Variants in MAST4 observed in about 807,000 individuals in gnomAD.
MAST4 encodes the protein microtubule-associated serine/threonine-protein kinase 4.
In MAST4, 89 loss-of-function variants were observed where a neutral mutation model predicts 162.7. That is an observed-to-expected ratio of 0.55 (90% confidence interval 0.46 to 0.65). The LOEUF is 0.65. MAST4 is among the 30% of genes least tolerant of loss of function. The probability of loss-of-function intolerance (pLI) is 0.00; values close to 1 mark genes in which losing one functional copy is unlikely to be tolerated. For missense variants in MAST4, 3,153 were observed against 3,374.0 expected (o/e 0.93, Z 1.62); for synonymous variants, 1,479 against 1,361.1 (o/e 1.09, Z -1.91).
intron 1 of MAST4, among the ~76,000 whole-genome samples, chr5:66,745,315 G>A (rs1405377864): frequency 2.0e-5 from 3 of 152,134 alleles, no homozygotes; most frequent in Non-Finnish European, 2.9e-5. Flanking sequence ...GCCTAAAGAA[G>A]GGTAGATGTT....
At chr5:66,710,341 C>G (rs2149522901) in intron 1 of MAST4, among the ~76,000 whole-genome samples, 1 of 152,252 alleles carries the variant, frequency 6.6e-6, no homozygotes, top group African/African-American at 2.4e-5. Context: ...CAAGGTCAGA[C>G]TATTTAGACT....
At position 67,054,428 on chromosome 5, in the gene MAST4, C is replaced by T. The variant is rs376028730; in HGVS notation, c.699C>T (p.Ser233=). The T allele has an allele frequency of 1.9e-6, 3 of 1,609,130 alleles. No homozygotes were observed. Among genetic ancestry groups the T allele is most frequent in the Non-Finnish European group, 1.7e-6 (2 of 1,177,820 alleles). The change falls in exon 5 of 29, where the codon AGC becomes AGT. Residue 233 remains serine, a synonymous_variant. Coordinates refer to ENST00000403625, the MANE Select transcript of MAST4 (RefSeq NM_001164664.2). ...GSFCRTSNRK[S]LIGNGQSPAL... ...GTTGCCGAACAAGCAACCGGAAAAG[C>T]TTAATAGGCAATGGGCAGTCACCAG...
At chr5:66,843,520 A>G (rs1159445551) in intron 3 of MAST4, among the ~76,000 whole-genome samples, 2 of 152,138 alleles carry the variant, frequency 1.3e-5, no homozygotes, top group Non-Finnish European at 2.9e-5. Flanking sequence ...CCTAATGCCT[A>G]TTGGTGCTAG....
intron 4 of MAST4, among the ~76,000 whole-genome samples, chr5:66,947,326 A>C (rs1412929296): frequency 6.6e-6 from 1 of 152,052 alleles, no homozygotes; most frequent in Non-Finnish European, 1.5e-5. Flanking sequence ...GAAATAAAGG[A>C]ATATGGTTTG....
chr5:66,981,031 G>A (rs1198387587), intron 4 of MAST4, among the ~76,000 whole-genome samples: 6 of 152,078 alleles, frequency 3.9e-5, no homozygotes, highest in Admixed American at 2.6e-4. Context: ...AAATAGTGCT[G>A]GACTGAGACT....
chr5:66,949,177 A>C (rs962434280), intron 4 of MAST4, among the ~76,000 whole-genome samples: 1 of 152,194 alleles, frequency 6.6e-6, no homozygotes, highest in African/African-American at 2.4e-5. Flanking sequence ...AGCTTACTAC[A>C]GTAGAAAGAA....
chr5:67,155,786 G>A (rs1386793454), intron 26 of MAST4, among the ~76,000 whole-genome samples: 3 of 152,146 alleles, frequency 2.0e-5, no homozygotes, highest in African/African-American at 4.8e-5. Context: ...TAAGGGCCAG[G>A]CACAGTGGCT....
At chr5:66,930,890 T>C (rs1312402428) in intron 4 of MAST4, 3 of 431,874 alleles carry the variant, frequency 6.9e-6, no homozygotes, top group African/African-American at 4.0e-5. Flanking sequence ...TGAGCTTGTA[T>C]ACTTGGTCCT....
intron 3 of MAST4, among the ~76,000 whole-genome samples, chr5:66,836,769 A>G (rs1423272223): frequency 6.6e-6 from 1 of 152,096 alleles, no homozygotes; most frequent in Admixed American, 6.6e-5. Context: ...AAAAGAAGGG[A>G]ACTTAAGACA....
chr5:66,724,685 G>A (rs1192300423), intron 1 of MAST4, among the ~76,000 whole-genome samples: 1 of 152,080 alleles, frequency 6.6e-6, no homozygotes, highest in East Asian at 1.9e-4. Flanking sequence ...TGTATAGCTT[G>A]TTACTGTACT....
rs1031566610 is a variant in MAST4 at position 66,845,017 on chromosome 5, G to A, written c.643-54934G>A. 5.9e-5 allele frequency among the ~76,000 whole-genome samples: 8 copies of A among 136,156 alleles called. 1 individual carries two copies. The Admixed American group carries it at 6.3e-4, about 11-fold the overall frequency. 89.3% of individuals were successfully genotyped at this position (136,156 alleles called of 152,430 possible). On this transcript the variant is annotated intron_variant, in intron 3 of 28. Transcript: ENST00000403625. ...ATGGGAGTGGAGGAGATTAGCCAGG[G>A]AAAGCCTGAGGCACAAGAAGAAAGG...
At chr5:66,951,636 G>GTGTGTGTGTATGTA (rs773199634) in intron 4 of MAST4, among the ~76,000 whole-genome samples, 5,611 of 145,304 alleles carry the variant, frequency 0.039, 130 homozygotes, top group Middle Eastern at 0.063. Context: ...GTGTGTGTGT[G>GTGTGTGTGTATGTA]TGTGTGTGTG....
At chr5:66,916,896 C>A in intron 4 of MAST4, 2 of 686,418 alleles carry the variant, frequency 2.9e-6, no homozygotes, top group South Asian at 1.6e-5. Flanking sequence ...TCAGTACTCC[C>A]TTTCTCCCCT....
chr5:67,078,919 T>TATATATATAATATATATATATATATA (rs1554093912), intron 5 of MAST4, among the ~76,000 whole-genome samples: 5 of 65,874 alleles, frequency 7.6e-5, no homozygotes, highest in African/African-American at 4.0e-4. Context: ...TAAATATATA[T>TATATATATAATATATATATATATATA]ATATATATAT....
intron 4 of MAST4, among the ~76,000 whole-genome samples, chr5:67,013,867 G>T (rs995884271): frequency 6.6e-6 from 1 of 152,182 alleles, no homozygotes; most frequent in African/African-American, 2.4e-5. Flanking sequence ...TATGGTAAAT[G>T]AAGCCTTTGT....
intron 3 of MAST4, among the ~76,000 whole-genome samples, chr5:66,822,360 C>G (rs1580537563): frequency 6.6e-6 from 1 of 152,130 alleles, no homozygotes; most frequent in East Asian, 1.9e-4. Flanking sequence ...AAGCATCAGA[C>G]TAGAAAATGA....
chr5:66,725,525 C>A (rs1751463371), intron 1 of MAST4, among the ~76,000 whole-genome samples: 1 of 152,118 alleles, frequency 6.6e-6, no homozygotes, highest in Non-Finnish European at 1.5e-5. Context: ...TTTGTACCTT[C>A]ATGCTGAAAA....
At chr5:66,794,631 T>C (rs1317816386) in intron 3 of MAST4, among the ~76,000 whole-genome samples, 2 of 152,196 alleles carry the variant, frequency 1.3e-5, no homozygotes, top group Non-Finnish European at 2.9e-5. Context: ...TGTTTCTTTC[T>C]TTCTTATCTT....
chr5:66,649,150 A>C (rs1043426286), intron 1 of MAST4, among the ~76,000 whole-genome samples: 2 of 152,160 alleles, frequency 1.3e-5, no homozygotes, highest in Non-Finnish European at 2.9e-5. Context: ...TTGCCCTAAC[A>C]GTGAATCAAT....
Sources: allele counts gnomAD v4.1 joint callset (sites outside exome capture counted in the v4.1 genomes callset), GRCh38; gene constraint gnomAD v4.1.1; transcripts MANE v1.5; gene names NCBI Gene and HGNC (gene_info 2026-07-23, HGNC 2026-07-21).